Variants in RAPGEF4 observed in about 807,000 individuals in gnomAD.
The protein encoded by RAPGEF4 is RAP guanine-nucleotide-exchange factor (GEF) 4.
Under a neutral mutation model 147.9 loss-of-function variants are expected in RAPGEF4, and 66 were observed. The ratio of observed to expected loss-of-function variants is 0.45; its 90% confidence interval spans 0.37 to 0.55. RAPGEF4 has a LOEUF of 0.55. Ranked by LOEUF, RAPGEF4 falls within the 20% of genes least tolerant of loss-of-function variation. The probability of loss-of-function intolerance (pLI) is 0.00; values close to 1 mark genes in which losing one functional copy is unlikely to be tolerated. For missense variants in RAPGEF4, 1,071 were observed against 1,257.3 expected (o/e 0.85, Z 2.24); for synonymous variants, 419 against 442.7 (o/e 0.95, Z 0.67).
At chr2:172,861,862 C>T (rs1694085919) in intron 4 of RAPGEF4, among the ~76,000 whole-genome samples, 1 of 152,168 alleles carries the variant, frequency 6.6e-6, no homozygotes, top group Non-Finnish European at 1.5e-5. Flanking sequence ...GCAGCTGCAC[C>T]CAGTGCTCTG....
At chr2:172,751,557 G>A (rs1384572520) in intron 1 of RAPGEF4, among the ~76,000 whole-genome samples, 2 of 152,108 alleles carry the variant, frequency 1.3e-5, no homozygotes, top group Non-Finnish European at 2.9e-5. Flanking sequence ...GAGCAGTGAA[G>A]GAAAATCAAG....
At chr2:172,941,517 T>A (rs1687151585) in intron 6 of RAPGEF4, among the ~76,000 whole-genome samples, 2 of 152,214 alleles carry the variant, frequency 1.3e-5, no homozygotes, top group Non-Finnish European at 2.9e-5. Context: ...CCATGGAAAG[T>A]TCTTATTGCC....
chr2:172,978,448 T>G (rs1194606369), intron 10 of RAPGEF4, among the ~76,000 whole-genome samples: 1 of 152,226 alleles, frequency 6.6e-6, no homozygotes, highest in Non-Finnish European at 1.5e-5. Context: ...CCCTCTGTTC[T>G]GCTTCTCCCA....
chr2:172,757,605 C>G (rs1205154366), intron 1 of RAPGEF4, among the ~76,000 whole-genome samples: 1 of 152,268 alleles, frequency 6.6e-6, no homozygotes, highest in East Asian at 1.9e-4. Context: ...TTTATTGGAG[C>G]TGTATGTATA....
intron 5 of RAPGEF4, among the ~76,000 whole-genome samples, chr2:172,919,333 C>T (rs1043062593): frequency 6.6e-6 from 1 of 152,154 alleles, no homozygotes; most frequent in Non-Finnish European, 1.5e-5. Context: ...TTCGACCCCT[C>T]AAAGTCTGGA....
chr2:172,978,429 G>A (rs1691326035), intron 10 of RAPGEF4, among the ~76,000 whole-genome samples: 1 of 152,186 alleles, frequency 6.6e-6, no homozygotes, highest in South Asian at 2.1e-4. Flanking sequence ...AGAGCCTGGG[G>A]TTTTCACACC....
chr2:173,029,294 A>C (rs1049972690), intron 25 of RAPGEF4, among the ~76,000 whole-genome samples: 1 of 152,262 alleles, frequency 6.6e-6, no homozygotes, highest in African/African-American at 2.4e-5. Context: ...ACAGGATTTC[A>C]TTATGATATG....
Position 172,925,777 on chromosome 2 carries a change from A to AAG in RAPGEF4, c.537+3497_537+3498dup, listed in dbSNP as rs67773579. 2.8e-3 allele frequency among the ~76,000 whole-genome samples: 380 copies of AAG among 133,890 alleles called. 2 individuals carry two copies. The highest frequency in any genetic ancestry group is 9.9e-3 in the African/African-American group (348 of 35,270). The allele number at this position is 133,890 out of a possible 152,430, so 87.8% of individuals were successfully genotyped here. ...AAAGAGAGAAAGGAAGAAAGAAAGA[A>AAG]AGAGAGAGAGAGAGAGAGAGAAAGA... is the stretch of plus-strand genomic sequence containing the variant. On this transcript the variant is annotated intron_variant, in intron 6 of 30. Coordinates refer to ENST00000397081, the MANE Select transcript of RAPGEF4 (RefSeq NM_007023.4).
intron 10 of RAPGEF4, among the ~76,000 whole-genome samples, chr2:172,973,547 C>T (rs1690741187): frequency 6.6e-6 from 1 of 152,210 alleles, no homozygotes; most frequent in Admixed American, 6.5e-5. Context: ...GAACTGTAAA[C>T]TGTTTCACAC....
chr2:172,926,714 G>GGAAA (rs1559125366), intron 6 of RAPGEF4, among the ~76,000 whole-genome samples: 2 of 152,062 alleles, frequency 1.3e-5, no homozygotes, highest in Non-Finnish European at 2.9e-5. Flanking sequence ...TGGGACTACA[G>GGAAA]GCGCGTGCCA....
chr2:172,795,104 C>T lies in RAPGEF4; in HGVS notation c.145C>T (p.Pro49Ser). Residue 49 changes from proline to serine, a missense_variant, in exon 2 of 31, where the codon CCA (proline) becomes TCA (serine). Coordinates refer to ENST00000397081, the MANE Select transcript of RAPGEF4 (RefSeq NM_007023.4). ...KEVKAFEKFH[P>S]NLLHQICLCG... ...AGTTAAAGCTTTTGAGAAATTTCAC[C>T]CAAATCTCCTTCATCAGATTTGCTT... 6.2e-7 allele frequency: 1 copy of T among 1,612,936 alleles called. No homozygotes were observed. Among genetic ancestry groups the T allele is most frequent in the Non-Finnish European group, 8.5e-7 (1 of 1,179,040 alleles).
chr2:172,851,136 G>GT lies in RAPGEF4; in HGVS notation c.444+36713dup, dbSNP rs538022763. Among the ~76,000 whole-genome samples, 48 of 152,252 alleles carry GT rather than the reference G, an allele frequency of 3.2e-4. 1 individual carries two copies. The East Asian group carries it at 8.9e-3, about 28-fold the overall frequency. On this transcript the variant is annotated intron_variant, in intron 4 of 30. Coordinates refer to ENST00000397081, the MANE Select transcript of RAPGEF4 (RefSeq NM_007023.4). ...AGCTGTGTCCTAGAGATTCTGGTAT[G>GT]TTGTATCTTTGTTCTCGATAGTGTC...
intron 14 of RAPGEF4, among the ~76,000 whole-genome samples, chr2:172,990,504 A>G (rs1309381755): frequency 6.6e-6 from 1 of 152,048 alleles, no homozygotes; most frequent in African/African-American, 2.4e-5. Flanking sequence ...TATAACTAAT[A>G]AATGCCTTTG....
At chr2:173,044,234 C>T (rs1026898783) in intron 29 of RAPGEF4, among the ~76,000 whole-genome samples, 2 of 133,614 alleles carry the variant, frequency 1.5e-5, no homozygotes, top group African/African-American at 5.8e-5. Flanking sequence ...GCTTCCCGGT[C>T]ATTGCCGTGG....
intron 4 of RAPGEF4, among the ~76,000 whole-genome samples, chr2:172,900,461 A>T (rs1308567735): frequency 1.3e-4 from 20 of 151,884 alleles, no homozygotes; most frequent in Admixed American, 1.3e-3. Context: ...TGGGTCTCGA[A>T]CTCCTGGCCT....
At chr2:172,952,241 G>GCCAGT (rs2105394815) in intron 6 of RAPGEF4, among the ~76,000 whole-genome samples, 1 of 152,148 alleles carries the variant, frequency 6.6e-6, no homozygotes, top group Non-Finnish European at 1.5e-5. Context: ...TGTAATAAGT[G>GCCAGT]CCAGTCCATG....
chr2:172,764,816 G>A (rs959712066), intron 1 of RAPGEF4, among the ~76,000 whole-genome samples: 1 of 152,126 alleles, frequency 6.6e-6, no homozygotes, highest in Non-Finnish European at 1.5e-5. Flanking sequence ...CAGTTTTATG[G>A]GAGAAGCACT....
chr2:172,945,985 G>A (rs1480629185), intron 6 of RAPGEF4, among the ~76,000 whole-genome samples: 1 of 152,124 alleles, frequency 6.6e-6, no homozygotes, highest in East Asian at 1.9e-4. Context: ...ATTCTGAGAA[G>A]ATAATTCCAA....
chr2:172,771,013 T>C (rs1015555022), intron 1 of RAPGEF4, among the ~76,000 whole-genome samples: 2 of 152,190 alleles, frequency 1.3e-5, no homozygotes, highest in Non-Finnish European at 2.9e-5. Context: ...AGCTTGGCCC[T>C]TGTCTTAGTC....
Sources: allele counts gnomAD v4.1 joint callset (sites outside exome capture counted in the v4.1 genomes callset), GRCh38; gene constraint gnomAD v4.1.1; transcripts MANE v1.5; gene names NCBI Gene and HGNC (gene_info 2026-07-23, HGNC 2026-07-21).